The following C8orf34 variants were observed in gnomAD, a reference collection of about 807,000 sequenced individuals.
The protein encoded by C8orf34 is chromosome 8 open reading frame 34.
Under a neutral mutation model 68.3 loss-of-function variants are expected in C8orf34, and 65 were observed. The observed-to-expected ratio is 0.95, with a 90% CI of 0.78 to 1.17. The LOEUF is 1.17. Ranked by LOEUF, C8orf34 falls within the 50% of genes most tolerant of loss-of-function variation. C8orf34 has a pLI of 0.00. For synonymous variants in C8orf34, 244 were observed against 241.2 expected, an observed-to-expected ratio of 1.01 and a Z score of -0.11; for missense variants, 664 against 655.4, an observed-to-expected ratio of 1.01 and a Z score of -0.14.
At chr8:68,634,233 G>A (rs1433461272) in intron 7 of C8orf34, among the ~76,000 whole-genome samples, 2 of 152,062 alleles carry the variant, frequency 1.3e-5, no homozygotes, top group African/African-American at 4.8e-5. Flanking sequence ...CTTTCACATT[G>A]GAATTTCATT....
chr8:68,573,854 T>C (rs1816824790), intron 7 of C8orf34, among the ~76,000 whole-genome samples: 2 of 152,212 alleles, frequency 1.3e-5, no homozygotes. Flanking sequence ...TGTATTAGAC[T>C]ATCAAAAGTA....
intron 11 of C8orf34, among the ~76,000 whole-genome samples, chr8:68,778,546 A>T (rs1823585057): frequency 6.6e-6 from 1 of 152,126 alleles, no homozygotes; most frequent in Non-Finnish European, 1.5e-5. Context: ...TAAAGCTAAA[A>T]TGGAGCTTTT....
intron 9 of C8orf34, among the ~76,000 whole-genome samples, chr8:68,713,760 G>C (rs1821391507): frequency 6.6e-6 from 1 of 151,946 alleles, no homozygotes; most frequent in African/African-American, 2.4e-5. Context: ...TCAAAAGGTA[G>C]AGAAAAGGGT....
At position 68,423,194 on chromosome 8, in the gene C8orf34, C is replaced by G. The variant is rs1810058947; in HGVS notation, c.328-16305C>G. Among the ~76,000 whole-genome samples, 3 of 152,124 alleles carry G rather than the reference C, an allele frequency of 2.0e-5. No homozygotes were observed. In the South Asian group the frequency reaches 6.2e-4, roughly 31 times the overall value. On this transcript the variant is annotated intron_variant, in intron 1 of 13. Transcript: ENST00000518698. ...TTTTTCCCCAGAAAATGAGTTTTTC[C>G]CTTCTATCACATTGTCAGTCTGCAA... is the stretch of plus-strand genomic sequence containing the variant.
intron 8 of C8orf34, among the ~76,000 whole-genome samples, chr8:68,684,039 A>G (rs1446491203): frequency 6.6e-6 from 1 of 152,188 alleles, no homozygotes. Context: ...GTAACATCCA[A>G]AGGAGGTTAA....
intron 8 of C8orf34, among the ~76,000 whole-genome samples, chr8:68,673,846 G>A (rs1820095683): frequency 6.6e-6 from 1 of 152,172 alleles, no homozygotes; most frequent in Admixed American, 6.5e-5. Context: ...GGCTGTAGTG[G>A]TTTCGTCTGA....
At chr8:68,474,265 C>A (rs758594191) in intron 4 of C8orf34, among the ~76,000 whole-genome samples, 3 of 152,196 alleles carry the variant, frequency 2.0e-5, no homozygotes, top group African/African-American at 7.2e-5. Flanking sequence ...TCAAATGTGA[C>A]CTTTCGGCTG....
chr8:68,639,750 C>T (rs73683586), intron 7 of C8orf34, among the ~76,000 whole-genome samples: 3,118 of 152,030 alleles, frequency 0.021, 104 homozygotes, highest in African/African-American at 0.068. Context: ...TGATTAAGGA[C>T]CTGGGAAAAA....
chr8:68,691,336 T>G (rs1157598472), intron 8 of C8orf34, among the ~76,000 whole-genome samples: 1 of 152,068 alleles, frequency 6.6e-6, no homozygotes, highest in African/African-American at 2.4e-5. Flanking sequence ...ATGTACATTT[T>G]GGGGACATAA....
chr8:68,467,732 A>C (rs953548132), intron 3 of C8orf34, among the ~76,000 whole-genome samples: 1 of 151,922 alleles, frequency 6.6e-6, no homozygotes, highest in Non-Finnish European at 1.5e-5. Context: ...CAGTCCTTCA[A>C]AGTATCCTAA....
At chr8:68,603,892 C>T (rs556875391) in intron 7 of C8orf34, among the ~76,000 whole-genome samples, 158 of 152,158 alleles carry the variant, frequency 1.0e-3, no homozygotes, top group African/African-American at 3.8e-3. Flanking sequence ...AGTCACAACA[C>T]AGTAATATCC....
At chr8:68,628,348 C>T (rs1039287411) in intron 7 of C8orf34, among the ~76,000 whole-genome samples, 1 of 152,062 alleles carries the variant, frequency 6.6e-6, no homozygotes, top group African/African-American at 2.4e-5. Flanking sequence ...AGAGAACCAA[C>T]AGAAACATGG....
At chr8:68,801,671 A>G (rs1824331027) in intron 12 of C8orf34, among the ~76,000 whole-genome samples, 1 of 152,236 alleles carries the variant, frequency 6.6e-6, no homozygotes. Context: ...GATAGGATTA[A>G]GTCCACAAAG....
In C8orf34 at chr8:68,418,845, G is replaced by A. The variant is rs571081898; in HGVS notation, c.328-20654G>A. Among the ~76,000 whole-genome samples the A allele has an allele frequency of 5.8e-3, 888 of 152,002 alleles. 7 individuals are homozygous for A. The highest frequency in any genetic ancestry group is 0.021 in the African/African-American group (861 of 41,414). On this transcript the variant is annotated intron_variant, in intron 1 of 13. Coordinates refer to ENST00000518698, the MANE Select transcript of C8orf34 (RefSeq NM_052958.4). ...AAAAATCAGTTCAAGATGGATTAAA[G>A]ACTTAAACGTTAGACCTAAAACCAT...
chr8:68,468,139 A>G (rs1453553762), intron 3 of C8orf34, among the ~76,000 whole-genome samples: 1 of 152,012 alleles, frequency 6.6e-6, no homozygotes, highest in Admixed American at 6.6e-5. Flanking sequence ...GTTACCACTC[A>G]TCCATCCATT....
intron 12 of C8orf34, among the ~76,000 whole-genome samples, chr8:68,814,768 T>A (rs775561493): frequency 3.3e-5 from 5 of 152,200 alleles, no homozygotes; most frequent in Non-Finnish European, 7.3e-5. Context: ...CTGCAGAATG[T>A]ATGAAATGAC....
intron 3 of C8orf34, among the ~76,000 whole-genome samples, chr8:68,456,914 G>A (rs1032227159): frequency 6.6e-6 from 1 of 152,214 alleles, no homozygotes; most frequent in African/African-American, 2.4e-5. Context: ...GTTACCTATT[G>A]TATGGAATGG....
chr8:68,634,708 T>G (rs934456118), intron 7 of C8orf34, among the ~76,000 whole-genome samples: 1 of 152,206 alleles, frequency 6.6e-6, no homozygotes, highest in Non-Finnish European at 1.5e-5. Context: ...AACCAAATTT[T>G]TTATGGTTCT....
chr8:68,466,739 A>ATATATATATATATGTG (rs1554556689), intron 3 of C8orf34, among the ~76,000 whole-genome samples: 1,288 of 10,388 alleles, frequency 0.12, 82 homozygotes, highest in African/African-American at 0.18. Flanking sequence ...AACGTTGTAC[A>ATATATATATATATGTG]TATATATATA....
Sources: allele counts gnomAD v4.1 joint callset (sites outside exome capture counted in the v4.1 genomes callset), GRCh38; gene constraint gnomAD v4.1.1; transcripts MANE v1.5; gene names NCBI Gene and HGNC (gene_info 2026-07-23, HGNC 2026-07-21).